Variants in MTFMT observed in about 807,000 individuals in gnomAD.
The protein encoded by MTFMT is mitochondrial methionyl-tRNA formyltransferase, also known as methionyl-tRNA formyltransferase, mitochondrial.
Under a neutral mutation model 51.8 loss-of-function variants are expected in MTFMT, and 47 were observed. That is an observed-to-expected ratio of 0.91 (90% CI 0.72 to 1.16). The LOEUF is 1.16. Ranked by LOEUF, MTFMT falls within the 50% of genes most tolerant of loss-of-function variation. The probability of loss-of-function intolerance (pLI) is 0.00; values close to 1 mark genes in which losing one functional copy is unlikely to be tolerated. For missense variants in MTFMT, 512 were observed against 482.3 expected (o/e 1.06, Z -0.58); for synonymous variants, 196 against 176.7 (o/e 1.11, Z -0.87).
rs751153427 is a variant in MTFMT, at chr15:65,004,947, GAAAAA to G, written c.893-16_893-12del. On this transcript the variant is annotated splice_polypyrimidine_tract_variant and intron_variant, in intron 7 of 8. Coordinates refer to ENST00000220058, the MANE Select transcript of MTFMT (RefSeq NM_139242.4). ...CCGTTAATTTTGGATCTGAAGAATG[GAAAAA>G]AGAAAAGATATACAAGAGAAAAAAG... 9 of 1,586,856 alleles carry G rather than the reference GAAAAA, an allele frequency of 5.7e-6. No homozygotes were observed. The highest frequency in any genetic ancestry group is 5.2e-6 in the Non-Finnish European group (6 of 1,156,822).
In MTFMT at chr15:65,012,725, T is replaced by C. The variant is rs577810968; in HGVS notation, c.813+3711A>G. On this transcript the variant is annotated intron_variant, in intron 6 of 8. Coordinates refer to ENST00000220058, the MANE Select transcript of MTFMT (RefSeq NM_139242.4). ...TATTTCTAGACCCTTAATTCGATTC[T>C]AATGAGCTATAGCCAGTACCACACT... Among the ~76,000 whole-genome samples the C allele has an allele frequency of 2.0e-5, 3 of 152,286 alleles. No individual in the cohort carries two copies. In the East Asian group the frequency reaches 5.8e-4, roughly 29 times the overall value.
At chr15:65,008,889 C>T (rs1342458799) in intron 6 of MTFMT, among the ~76,000 whole-genome samples, 1 of 152,130 alleles carries the variant, frequency 6.6e-6, no homozygotes, top group Non-Finnish European at 1.5e-5. Context: ...AATAAACATG[C>T]TAGGTACATA....
chr15:65,027,575 A>G (rs138587799), intron 1 of MTFMT, among the ~76,000 whole-genome samples: 135 of 152,346 alleles, frequency 8.9e-4, no homozygotes, highest in African/African-American at 3.2e-3. Flanking sequence ...CTGTTTGAAC[A>G]GTATCATTCT....
In MTFMT at chr15:65,003,007, AAGGTTTTTAATAAATTACAAATATGTAAT is replaced by A; in HGVS notation, c.*26_*54del. ...AAAGTCCAGATAATTCCTTGTAAAT[AAGGTTTTTAATAAATTACAAATATGTAAT>A]AGGTTTTTATCCATCTTCTTCCTAA... is the stretch of plus-strand genomic sequence containing the variant. On this transcript the variant is annotated 3_prime_UTR_variant, in exon 9 of 9. Coordinates refer to ENST00000220058, the MANE Select transcript of MTFMT (RefSeq NM_139242.4). 1 of 1,101,156 alleles carries A rather than the reference AAGGTTTTTAATAAATTACAAATATGTAAT, an allele frequency of 9.1e-7. No homozygotes were observed. Among genetic ancestry groups the A allele is most frequent in the Non-Finnish European group, 1.2e-6 (1 of 812,152 alleles). The allele number at this position is 1,101,156 out of a possible 1,614,324, so 68.2% of individuals were successfully genotyped here.
chr15:65,017,406 T>C (rs2140482464), intron 5 of MTFMT, among the ~76,000 whole-genome samples: 1 of 152,362 alleles, frequency 6.6e-6, no homozygotes, highest in South Asian at 2.1e-4. Context: ...GCCTGTTATC[T>C]TCCTAATCTT....
In MTFMT at chr15:65,002,556, A is replaced by C. The variant is rs2086184671; in HGVS notation, c.*506T>G. 1 of 152,184 alleles carries C rather than the reference A, an allele frequency of 6.6e-6. No homozygotes were observed. The highest frequency in any genetic ancestry group is 2.4e-5 in the African/African-American group (1 of 41,422). 9.4% of individuals were successfully genotyped at this position (152,184 alleles called of 1,614,324 possible). On this transcript the variant is annotated 3_prime_UTR_variant, in exon 9 of 9. Transcript: ENST00000220058. Reference sequence around the variant, plus strand: ...TTTATTTAAACTTTTTTGTAATTCAAGTAAAAAAAAAGCTGTTTTTTAACT... The same window carrying C: ...TTTATTTAAACTTTTTTGTAATTCACGTAAAAAAAAAGCTGTTTTTTAACT...
At chr15:65,021,718 G>A (rs2086375476) in intron 3 of MTFMT, 102 bp from the exon 4 acceptor site, 3 of 871,180 alleles carry the variant, frequency 3.4e-6, no homozygotes, top group Non-Finnish European at 5.2e-6. Flanking sequence ...TGGTCTGCAT[G>A]CCTATAGTCC....
At chr15:65,012,620 A>T (rs1389585845) in intron 6 of MTFMT, among the ~76,000 whole-genome samples, 1 of 152,054 alleles carries the variant, frequency 6.6e-6, no homozygotes, top group Non-Finnish European at 1.5e-5. Flanking sequence ...GGCTGGTCTC[A>T]AACTCCTGAC....
intron 4 of MTFMT, 56 bp from the exon 5 acceptor site, chr15:65,020,328 C>A (rs538453198): frequency 4.9e-4 from 701 of 1,419,370 alleles, no homozygotes; most frequent in Middle Eastern, 4.8e-3. Flanking sequence ...AGAACAAAAG[C>A]AGAAACACAT....
chr15:65,007,664 A>G (rs1304624520), intron 6 of MTFMT, among the ~76,000 whole-genome samples: 1 of 150,854 alleles, frequency 6.6e-6, no homozygotes. Context: ...AAAAAATATG[A>G]TAATCTCTTG....
intron 3 of MTFMT, among the ~76,000 whole-genome samples, chr15:65,023,231 T>C (rs940514358): frequency 6.6e-6 from 1 of 152,140 alleles, no homozygotes; most frequent in African/African-American, 2.4e-5. Flanking sequence ...ACTATAGGTA[T>C]GACAGGAAAA....
At chr15:65,006,720 C>T (rs941105055) in intron 6 of MTFMT, among the ~76,000 whole-genome samples, 2 of 152,130 alleles carry the variant, frequency 1.3e-5, no homozygotes, top group South Asian at 2.1e-4. Flanking sequence ...ATGTTTATAT[C>T]TAATATACTA....
chr15:65,026,089 G>A (rs752258210), intron 2 of MTFMT: 1 of 152,476 alleles, frequency 6.6e-6, no homozygotes, highest in Non-Finnish European at 1.5e-5. Flanking sequence ...TAAGGCTCAA[G>A]ATGGAAAATC....
intron 1 of MTFMT, among the ~76,000 whole-genome samples, chr15:65,028,663 C>T (rs1190496484): frequency 6.6e-6 from 1 of 151,540 alleles, no homozygotes; most frequent in Non-Finnish European, 1.5e-5. Flanking sequence ...AGGAGGACTG[C>T]GTCAGAAAAA....
At chr15:65,023,862 A>G in intron 2 of MTFMT, 68 bp from the exon 3 acceptor site, 1 of 1,341,440 alleles carries the variant, frequency 7.5e-7, no homozygotes, top group Non-Finnish European at 9.9e-7. Flanking sequence ...TACCTAAGCT[A>G]TTATGCTACT....
chr15:65,028,326 T>C (rs377492375), intron 1 of MTFMT, among the ~76,000 whole-genome samples: 23 of 152,272 alleles, frequency 1.5e-4, no homozygotes, highest in African/African-American at 5.3e-4. Context: ...TGAGATGGGA[T>C]GATTGCTTGA....
chr15:65,029,241 G>A (rs1342800452), intron 1 of MTFMT, 164 bp downstream of exon 1: 5 of 983,170 alleles, frequency 5.1e-6, no homozygotes, highest in Non-Finnish European at 6.0e-6. Context: ...TGACCGGCGG[G>A]AATGGCGCAC....
At chr15:65,026,337 C>G (rs964153951) in intron 2 of MTFMT, 7 of 204,770 alleles carry the variant, frequency 3.4e-5, no homozygotes, top group Admixed American at 2.7e-4. Flanking sequence ...ACAAACACAG[C>G]TTACAAAAGT....
chr15:65,029,070 C>G (rs2086455158), intron 1 of MTFMT, among the ~76,000 whole-genome samples: 1 of 152,168 alleles, frequency 6.6e-6, no homozygotes, highest in Non-Finnish European at 1.5e-5. Context: ...ACGGATTCCC[C>G]ACACTCAAAA....
Sources: gnomAD v4.1 joint callset for allele counts (sites outside exome capture counted in the v4.1 genomes callset) on GRCh38, gnomAD v4.1.1 for gene constraint, MANE v1.5 for transcripts, NCBI Gene and HGNC (gene_info 2026-07-23, HGNC 2026-07-21) for gene names.